Variants in PTPRC observed in about 807,000 individuals in gnomAD.
PTPRC encodes the protein protein tyrosine phosphatase receptor type C, also known as receptor-type tyrosine-protein phosphatase C.
PTPRC carries 44 observed loss-of-function variants against 155.9 expected under a neutral mutation model. The observed-to-expected ratio is 0.28, with a 90% CI of 0.22 to 0.36. The LOEUF is 0.36. PTPRC is among the 10% of genes least tolerant of loss of function. The probability of loss-of-function intolerance (pLI) is 1.00; values close to 1 mark genes in which losing one functional copy is unlikely to be tolerated. For synonymous variants in PTPRC, 525 were observed against 533.1 expected, an observed-to-expected ratio of 0.98 and a Z score of 0.21; for missense variants, 1,401 against 1,564.6, an observed-to-expected ratio of 0.90 and a Z score of 1.76.
intron 4 of PTPRC, among the ~76,000 whole-genome samples, chr1:198,698,998 A>G (rs1029684354): frequency 6.6e-6 from 1 of 152,172 alleles, no homozygotes; most frequent in Non-Finnish European, 1.5e-5. Flanking sequence ...GTTTTCAAAC[A>G]CTAGATATTA....
intron 2 of PTPRC, among the ~76,000 whole-genome samples, chr1:198,644,403 A>C (rs12086501): frequency 6.6e-6 from 1 of 151,810 alleles, no homozygotes; most frequent in African/African-American, 2.4e-5. Context: ...TCTATATAAT[A>C]CCCAAATATA....
At chr1:198,749,764 A>G (rs1033472276) in intron 28 of PTPRC, among the ~76,000 whole-genome samples, 1 of 151,870 alleles carries the variant, frequency 6.6e-6, no homozygotes, top group Non-Finnish European at 1.5e-5. Flanking sequence ...AAATAAGATA[A>G]TGCTATTGGT....
At chr1:198,717,255 G>A (rs1463036747) in intron 13 of PTPRC, among the ~76,000 whole-genome samples, 2 of 152,302 alleles carry the variant, frequency 1.3e-5, no homozygotes, top group East Asian at 1.9e-4. Flanking sequence ...TTCATAAAAT[G>A]TAATATTTTA....
At chr1:198,668,367 A>G (rs1261900445) in intron 2 of PTPRC, among the ~76,000 whole-genome samples, 1 of 152,164 alleles carries the variant, frequency 6.6e-6, no homozygotes, top group Non-Finnish European at 1.5e-5. Flanking sequence ...ACAGAGTAAC[A>G]TGGTAGCAAA....
intron 2 of PTPRC, among the ~76,000 whole-genome samples, chr1:198,665,262 C>CT (rs758524383): frequency 0.013 from 1,844 of 139,938 alleles, 27 homozygotes; most frequent in East Asian, 0.038. Context: ...GCTAATTTTT[C>CT]TTTTTTTTTT....
intron 12 of PTPRC, among the ~76,000 whole-genome samples, chr1:198,713,875 C>T (rs974568671): frequency 6.6e-6 from 1 of 152,120 alleles, no homozygotes; most frequent in Admixed American, 6.5e-5. Flanking sequence ...CACTTCAAAA[C>T]TTGAAAAGTG....
At chr1:198,675,869 A>G (rs949186019) in intron 2 of PTPRC, among the ~76,000 whole-genome samples, 1 of 152,194 alleles carries the variant, frequency 6.6e-6, no homozygotes. Flanking sequence ...ATTTCATTTA[A>G]AAAGATAACT....
intron 2 of PTPRC, among the ~76,000 whole-genome samples, chr1:198,666,778 CT>C (rs1221883576): frequency 6.6e-6 from 1 of 152,104 alleles, no homozygotes; most frequent in Non-Finnish European, 1.5e-5. Context: ...TTTCATTTGT[CT>C]TTTTAAGTTA....
rs138335258 is a variant in PTPRC at position 198,729,229 on chromosome 1, T to TTTTA, written c.1864+76_1864+79dup. ...CTTCCCCTGCATTTGAATCCATTCA[T>TTTTA]TTTATTTATTTATTTATTTATATTT... is the stretch of plus-strand genomic sequence containing the variant. On this transcript the variant is annotated intron_variant, in intron 17 of 32. Coordinates refer to ENST00000442510, the MANE Select transcript of PTPRC (RefSeq NM_002838.5). 2.9e-3 allele frequency: 4,338 copies of TTTTA among 1,492,082 alleles called. 118 individuals carry two copies. In the African/African-American group the frequency reaches 0.054, roughly 18 times the overall value. The allele number at this position is 1,492,082 out of a possible 1,614,324, so 92.4% of individuals were successfully genotyped here. A position where few individuals can be genotyped will look rare whatever the true frequency, so the allele number is the denominator to read the frequency against.
Position 198,752,317 on chromosome 1 carries a change from C to T in PTPRC, c.3276C>T (p.Asp1092=). 1 of 1,612,406 alleles carries T rather than the reference C, an allele frequency of 6.2e-7. No individual in the cohort carries two copies. The highest frequency in any genetic ancestry group is 1.3e-5 in the African/African-American group (1 of 74,904). ...GAGATATTGAAGTTGACCTGAAAGA[C>T]ACAGACAAATCTTCAACTTATACCC... The part of the protein sequence containing the change: ...TYGDIEVDLK[D]TDKSSTYTLR... Residue 1092 remains aspartate, a synonymous_variant, in exon 30 of 33, where the codon GAC becomes GAT. Coordinates refer to ENST00000442510, the MANE Select transcript of PTPRC (RefSeq NM_002838.5).
At chr1:198,714,539 T>C (rs1199498647) in intron 12 of PTPRC, among the ~76,000 whole-genome samples, 3 of 152,150 alleles carry the variant, frequency 2.0e-5, no homozygotes, top group Non-Finnish European at 1.5e-5. Flanking sequence ...TATCAGGCTG[T>C]GTGTTTTCTT....
chr1:198,696,587 A>G (rs1666214127), intron 3 of PTPRC, 125 bp from the exon 4 acceptor site: 3 of 801,090 alleles, frequency 3.7e-6, no homozygotes, highest in Middle Eastern at 2.3e-4. Flanking sequence ...GTGCATATGT[A>G]TGTGTAGATA....
At chr1:198,720,304 T>C (rs944597611) in intron 14 of PTPRC, among the ~76,000 whole-genome samples, 3 of 152,186 alleles carry the variant, frequency 2.0e-5, no homozygotes, top group African/African-American at 4.8e-5. Context: ...GTTCCTGTTT[T>C]TCTGTATCAT....
intron 2 of PTPRC, among the ~76,000 whole-genome samples, chr1:198,646,613 G>A (rs1662950520): frequency 6.6e-6 from 1 of 151,788 alleles, no homozygotes; most frequent in Non-Finnish European, 1.5e-5. Flanking sequence ...CATTAATGTG[G>A]AGATTGACAG....
intron 2 of PTPRC, among the ~76,000 whole-genome samples, chr1:198,667,888 A>G (rs1449924561): frequency 6.6e-6 from 1 of 152,214 alleles, no homozygotes; most frequent in Non-Finnish European, 1.5e-5. Context: ...GCACAGCAAG[A>G]GAAAAGATTG....
rs1437158895 is a variant in PTPRC at position 198,732,385 on chromosome 1, T to C, written c.2060T>C (p.Leu687Pro). The change falls in exon 19 of 33, where the codon CTT becomes CCT. Residue 687 changes from leucine to proline, a missense_variant. By Grantham distance (98) the Leu-to-Pro change is moderately conservative. Coordinates refer to ENST00000442510, the MANE Select transcript of PTPRC (RefSeq NM_002838.5). ...NQNKNRYVDI[L>P]PYDYNRVELS... Reference sequence around the variant, plus strand: ...AATAAAAACCGTTATGTTGACATTCTTCCTTGTGAGTATTTATTGAGTGCT... The same window carrying C: ...AATAAAAACCGTTATGTTGACATTCCTCCTTGTGAGTATTTATTGAGTGCT... 2 of 1,610,670 alleles carry C rather than the reference T, an allele frequency of 1.2e-6. No individual in the cohort carries two copies. Among genetic ancestry groups the C allele is most frequent in the Non-Finnish European group, 8.5e-7 (1 of 1,177,334 alleles).
intron 10 of PTPRC, among the ~76,000 whole-genome samples, chr1:198,708,950 G>C (rs901083510): frequency 6.6e-6 from 1 of 152,220 alleles, no homozygotes; most frequent in African/African-American, 2.4e-5. Flanking sequence ...TACACACATA[G>C]AGGATGGAGC....
At chr1:198,700,403 T>C (rs1333115034) in intron 5 of PTPRC, among the ~76,000 whole-genome samples, 3 of 152,228 alleles carry the variant, frequency 2.0e-5, no homozygotes, top group Non-Finnish European at 4.4e-5. Flanking sequence ...GGTAGACCTA[T>C]GTAGCTGGTA....
At chr1:198,711,962 G>A (rs914703920) in intron 11 of PTPRC, among the ~76,000 whole-genome samples, 2 of 152,074 alleles carry the variant, frequency 1.3e-5, no homozygotes, top group Admixed American at 6.6e-5. Context: ...TTAAGAATAC[G>A]GATACTACTA....
Sources: allele counts gnomAD v4.1 joint callset (sites outside exome capture counted in the v4.1 genomes callset), GRCh38; gene constraint gnomAD v4.1.1; transcripts MANE v1.5; gene names NCBI Gene and HGNC (gene_info 2026-07-23, HGNC 2026-07-21).